Variants in CHRDL1 observed in about 807,000 individuals in gnomAD.
CHRDL1 encodes chordin like 1, also known as chordin-like protein 1.
Under a neutral mutation model 40.9 loss-of-function variants are expected in CHRDL1, and 19 were observed. The observed-to-expected ratio is 0.46, with a 90% CI of 0.32 to 0.68. CHRDL1 has a LOEUF of 0.68. Among genes scored for constraint, CHRDL1 ranks in the 30% least tolerant of loss-of-function variants. The pLI is 0.03. For synonymous variants in CHRDL1, 136 were observed against 123.4 expected (o/e 1.10, Z -0.68); for missense variants, 329 against 352.1 (o/e 0.93, Z 0.53).
chrX:110,776,926 G>T (rs2089862047), intron 2 of CHRDL1, among the ~76,000 whole-genome samples: 1 of 111,009 alleles, frequency 9.0e-6, no homozygotes, highest in African/African-American at 3.3e-5. Flanking sequence ...AATATATAAT[G>T]ACATGTATCC....
At chrX:110,686,232 G>A (rs919593980) in intron 9 of CHRDL1, among the ~76,000 whole-genome samples, 1 of 110,970 alleles carries the variant, frequency 9.0e-6, no homozygotes, top group African/African-American at 3.3e-5. Context: ...AACCTGAGAG[G>A]ACAATTGTTT....
chrX:110,777,896 T>C (rs771043247), intron 2 of CHRDL1, among the ~76,000 whole-genome samples: 1 of 111,490 alleles, frequency 9.0e-6, no homozygotes, highest in African/African-American at 3.2e-5. Context: ...ATAGAACCTT[T>C]GGTGTTGTAT....
intron 6 of CHRDL1, among the ~76,000 whole-genome samples, chrX:110,716,701 T>A (rs1348168003): frequency 9.0e-6 from 1 of 111,311 alleles, no homozygotes; most frequent in Non-Finnish European, 1.9e-5. Flanking sequence ...CTACTACTTA[T>A]CAAAATGCGA....
At chrX:110,730,390 C>T (rs2071136291) in intron 4 of CHRDL1, among the ~76,000 whole-genome samples, 2 of 110,750 alleles carry the variant, frequency 1.8e-5, no homozygotes, top group Admixed American at 9.6e-5. Flanking sequence ...TGTGATTTAG[C>T]CAAGCAGTTG....
intron 6 of CHRDL1, among the ~76,000 whole-genome samples, chrX:110,710,531 T>A: frequency 8.9e-6 from 1 of 112,508 alleles, no homozygotes; most frequent in South Asian, 3.7e-4. Context: ...TATTAATTTG[T>A]TAAACTCAAT....
chrX:110,707,779 C>G (rs1005276107), intron 6 of CHRDL1, among the ~76,000 whole-genome samples: 1 of 111,779 alleles, frequency 8.9e-6, no homozygotes, highest in African/African-American at 3.3e-5. Context: ...GCAACAAAAG[C>G]CAAACTAGAC....
intron 2 of CHRDL1, 121 bp downstream of exon 2, chrX:110,791,967 T>C: frequency 2.2e-6 from 1 of 454,505 alleles, no homozygotes; most frequent in Non-Finnish European, 3.8e-6. Context: ...TAACATTCAC[T>C]TTCTTCTCTT....
chrX:110,713,281 G>A (rs1362558657), intron 6 of CHRDL1, among the ~76,000 whole-genome samples: 1 of 111,834 alleles, frequency 8.9e-6, no homozygotes, highest in Non-Finnish European at 1.9e-5. Context: ...CTCCATGAAG[G>A]CAGGTTCCAT....
At chrX:110,750,489 A>T (rs754068455) in intron 4 of CHRDL1, among the ~76,000 whole-genome samples, 42 of 112,179 alleles carry the variant, frequency 3.7e-4, no homozygotes, top group African/African-American at 1.4e-3. Flanking sequence ...CATTTTGCTA[A>T]TCCTTTCCTT....
At chrX:110,749,491 A>C (rs912809482) in intron 4 of CHRDL1, among the ~76,000 whole-genome samples, 1 of 112,002 alleles carries the variant, frequency 8.9e-6, no homozygotes, top group African/African-American at 3.2e-5. Context: ...ACACTTTGTA[A>C]GTAGCCATAC....
At chrX:110,753,826 A>G (rs1226994683) in intron 4 of CHRDL1, among the ~76,000 whole-genome samples, 1 of 112,058 alleles carries the variant, frequency 8.9e-6, no homozygotes, top group African/African-American at 3.2e-5. Context: ...TTCAACTCTT[A>G]CTCTAAACTT....
At chrX:110,747,307 T>G (rs2089272318) in intron 4 of CHRDL1, among the ~76,000 whole-genome samples, 1 of 109,350 alleles carries the variant, frequency 9.1e-6, no homozygotes, top group South Asian at 4.0e-4. Flanking sequence ...AAGAGCCCAC[T>G]TAGAGGACAA....
chrX:110,779,372 A>G (rs2089904876), intron 2 of CHRDL1, among the ~76,000 whole-genome samples: 1 of 111,340 alleles, frequency 9.0e-6, no homozygotes, highest in Non-Finnish European at 1.9e-5. Flanking sequence ...TTTTGAGTAA[A>G]TGTTGGTGAA....
chrX:110,721,577 C>A, intron 4 of CHRDL1, 47 bp from the exon 5 acceptor site: 1 of 1,097,404 alleles, frequency 9.1e-7, no homozygotes, highest in Non-Finnish European at 1.3e-6. Context: ...GCATCATTGA[C>A]AAGAATTTCA....
intron 2 of CHRDL1, among the ~76,000 whole-genome samples, chrX:110,780,813 G>A (rs1012127965): frequency 1.4e-4 from 15 of 110,713 alleles, no homozygotes; most frequent in African/African-American, 3.9e-4. Flanking sequence ...TTTTCTTATC[G>A]GCAAGGTTGA....
chrX:110,780,114 C>T (rs2089916977), intron 2 of CHRDL1, among the ~76,000 whole-genome samples: 1 of 111,119 alleles, frequency 9.0e-6, no homozygotes, highest in Non-Finnish European at 1.9e-5. Context: ...TGCAGAAAAA[C>T]ATGTCATCTA....
intron 1 of CHRDL1, among the ~76,000 whole-genome samples, chrX:110,794,713 C>G (rs959545000): frequency 3.6e-5 from 4 of 112,264 alleles, no homozygotes; most frequent in Non-Finnish European, 7.5e-5. Context: ...AGAACAGAAG[C>G]AAAGAGACAT....
intron 6 of CHRDL1, among the ~76,000 whole-genome samples, chrX:110,706,602 G>A (rs761770935): frequency 1.8e-5 from 2 of 111,759 alleles, no homozygotes; most frequent in African/African-American, 6.5e-5. Context: ...GAGCAGGTCA[G>A]AGAGGTAAAC....
At chrX:110,690,670 T>G (rs2070257529) in intron 8 of CHRDL1, among the ~76,000 whole-genome samples, 2 of 110,861 alleles carry the variant, frequency 1.8e-5, no homozygotes, top group African/African-American at 6.6e-5. Context: ...CACTGTTTGG[T>G]GTAGGAAGGA....
Sources: allele counts gnomAD v4.1 joint callset (sites outside exome capture counted in the v4.1 genomes callset), GRCh38; gene constraint gnomAD v4.1.1; transcripts MANE v1.5; gene names NCBI Gene and HGNC (gene_info 2026-07-23, HGNC 2026-07-21).